The following ZNF214 variants were observed in gnomAD, a reference collection of about 807,000 sequenced individuals.
The protein encoded by ZNF214 is zinc finger protein 214, also known as BWSCR2-associated zinc finger protein 1.
Under a neutral mutation model 53.9 loss-of-function variants are expected in ZNF214, and 43 were observed. The observed-to-expected ratio is 0.80, with a 90% confidence interval of 0.63 to 1.03. The LOEUF (loss-of-function observed/expected upper bound fraction) is 1.03, where lower values mean the gene tolerates loss of function less well. Ranked by LOEUF, ZNF214 falls within the 50% of genes least tolerant of loss-of-function variation. The pLI is 0.00. For synonymous variants in ZNF214, 217 were observed against 229.5 expected, an observed-to-expected ratio of 0.95 and a Z score of 0.49; for missense variants, 724 against 719.1, an observed-to-expected ratio of 1.01 and a Z score of -0.08.
rs979177896 is a variant in ZNF214, at chr11:6,997,784, G to A, written c.*2078C>T. Among the ~76,000 whole-genome samples, 3 of 151,682 alleles carry A rather than the reference G, an allele frequency of 2.0e-5. No individual in the cohort carries two copies. Among genetic ancestry groups the A allele is most frequent in the African/African-American group, 7.3e-5 (3 of 41,342 alleles). On this transcript the variant is annotated 3_prime_UTR_variant, in exon 3 of 3. Transcript: ENST00000278314. ...TTAGTGTAAGTCCCATGCAATATTT[G>A]GGACACCCTTATACTAAAACAATTA... is the stretch of plus-strand genomic sequence containing the variant.
intron 1 of ZNF214, among the ~76,000 whole-genome samples, chr11:7,017,461 A>C (rs1247968188): frequency 6.6e-6 from 1 of 152,244 alleles, no homozygotes; most frequent in East Asian, 1.9e-4. Context: ...ATTGGGAAAT[A>C]CTTAAATTTT....
rs1851234526 is a variant in ZNF214, at chr11:6,998,354, A to G, written c.*1508T>C. Among the ~76,000 whole-genome samples the G allele has an allele frequency of 6.6e-6, 1 of 151,902 alleles. No homozygotes were observed. The highest frequency in any genetic ancestry group is 2.4e-5 in the African/African-American group (1 of 41,402). ...CTTTTAACTCAGAGAAAGTTTCTTAATGTCTTTGATCATTGATTCTATGCC... is the reference window on the plus strand; with the variant it reads ...CTTTTAACTCAGAGAAAGTTTCTTAGTGTCTTTGATCATTGATTCTATGCC... On this transcript the variant is annotated 3_prime_UTR_variant, in exon 3 of 3. Transcript: ENST00000278314.
At chr11:7,014,452 T>C (rs1402320374) in intron 1 of ZNF214, among the ~76,000 whole-genome samples, 2 of 152,288 alleles carry the variant, frequency 1.3e-5, no homozygotes, top group Admixed American at 6.5e-5. Flanking sequence ...CTGTAAAATT[T>C]AGCATTATGC....
chr11:7,008,515 G>C (rs574366629), intron 1 of ZNF214, among the ~76,000 whole-genome samples: 46 of 112,368 alleles, frequency 4.1e-4, no homozygotes, highest in Non-Finnish European at 8.4e-4. Flanking sequence ...TATTTACCTT[G>C]AGAACCAGAA....
In ZNF214 at chr11:7,000,778, G is replaced by T; in HGVS notation, c.905C>A (p.Pro302His). Residue 302 changes from proline to histidine, a missense_variant, in exon 3 of 3, where the codon CCT becomes CAT. By Grantham distance (77) the Pro-to-His change is moderately conservative. Transcript: ENST00000278314. ...FHQRVHIGEV[P>H]YSCNACGKSF... Reference sequence around the variant, plus strand: ...CTTACCACATGCATTACAGCTATAAGGTACCTCCCCTATGTGAACTCTCTG... The same window carrying T: ...CTTACCACATGCATTACAGCTATAATGTACCTCCCCTATGTGAACTCTCTG... 1 of 1,610,672 alleles carries T rather than the reference G, an allele frequency of 6.2e-7. No homozygotes were observed.
intron 1 of ZNF214, among the ~76,000 whole-genome samples, chr11:7,008,051 G>C (rs1343001590): frequency 2.7e-5 from 4 of 149,276 alleles, no homozygotes; most frequent in Non-Finnish European, 6.0e-5. Context: ...ATTCTTAATT[G>C]TTTTTTCTTC....
rs949580252 is a variant in ZNF214 at position 6,997,742 on chromosome 11, T to A, written c.*2120A>T. 6.6e-6 allele frequency among the ~76,000 whole-genome samples: 1 copy of A among 151,842 alleles called. No homozygotes were observed. Among genetic ancestry groups the A allele is most frequent in the African/African-American group, 2.4e-5 (1 of 41,394 alleles). ...CAGAAATGACCAGTTAAATTTGAAT[T>A]TCAAATGTATGAAATTTTAGTGTAA... On this transcript the variant is annotated 3_prime_UTR_variant, in exon 3 of 3. Transcript: ENST00000278314.
At chr11:7,018,459 T>G in intron 1 of ZNF214, among the ~76,000 whole-genome samples, 1 of 151,654 alleles carries the variant, frequency 6.6e-6, no homozygotes, top group African/African-American at 2.4e-5. Context: ...GAAATTATTA[T>G]TAATCTCATA....
chr11:7,017,795 A>C (rs1851809716), intron 1 of ZNF214, among the ~76,000 whole-genome samples: 1 of 152,032 alleles, frequency 6.6e-6, no homozygotes, highest in African/African-American at 2.4e-5. Flanking sequence ...ATGGAACACT[A>C]TACAGTCATT....
chr11:7,001,242 A>G lies in ZNF214; in HGVS notation c.441T>C (p.Thr147=). Residue 147 remains threonine, a synonymous_variant, in exon 3 of 3, where the codon ACT becomes ACC. Coordinates refer to ENST00000278314, the MANE Select transcript of ZNF214 (RefSeq NM_013249.4). The part of the protein sequence containing the change: ...MPWQSLETKT[T]QDYGREIYMS... ...TGTAGATTTCTCTACCATAGTCTTG[A>G]GTGGTTTTTGTTTCTAAGGACTGCC... The G allele has an allele frequency of 6.2e-7, 1 of 1,613,168 alleles. No individual in the cohort carries two copies. Among genetic ancestry groups the G allele is most frequent in the Non-Finnish European group, 8.5e-7 (1 of 1,179,492 alleles).
chr11:7,002,396 A>T (rs2133385240), intron 2 of ZNF214, among the ~76,000 whole-genome samples: 1 of 152,166 alleles, frequency 6.6e-6, no homozygotes, highest in South Asian at 2.1e-4. Context: ...ATACAACAAA[A>T]GCTAACTTAT....
chr11:7,003,453 T>C (rs1156868767), intron 1 of ZNF214, among the ~76,000 whole-genome samples: 1 of 152,018 alleles, frequency 6.6e-6, no homozygotes, highest in Non-Finnish European at 1.5e-5. Flanking sequence ...TCTTATTGAA[T>C]GTTTATTGTA....
chr11:7,009,485 C>T (rs539481351), intron 1 of ZNF214, among the ~76,000 whole-genome samples: 5 of 152,206 alleles, frequency 3.3e-5, no homozygotes, highest in South Asian at 4.1e-4. Flanking sequence ...GGAAGATAAC[C>T]TAGGGGATAC....
chr11:7,018,729 T>C (rs1252552934), intron 1 of ZNF214, among the ~76,000 whole-genome samples: 1 of 152,128 alleles, frequency 6.6e-6, no homozygotes, highest in Non-Finnish European at 1.5e-5. Context: ...CTCAAACTCC[T>C]GACCTCAAGT....
Position 7,001,098 on chromosome 11 carries a change from T to A in ZNF214, c.585A>T (p.Glu195Asp). Residue 195 changes from glutamate (E) to aspartate (D), a missense_variant, in exon 3 of 3, where the codon GAA becomes GAT. By Grantham distance (45) the Glu-to-Asp change is conservative. Transcript: ENST00000278314. ...IVQHSYIPVE[E>D]ALPQYVGVIC... ...TCACCCCAACATACTGTGGAAGGGC[T>A]TCCTCCACTGGGATATAAGAATGCT... is the stretch of plus-strand genomic sequence containing the variant. The A allele has an allele frequency of 6.2e-7, 1 of 1,613,344 alleles. No individual in the cohort carries two copies. The highest frequency in any genetic ancestry group is 8.5e-7 in the Non-Finnish European group (1 of 1,179,562).
intron 1 of ZNF214, among the ~76,000 whole-genome samples, chr11:7,015,337 G>C (rs1851736185): frequency 6.6e-6 from 1 of 152,108 alleles, no homozygotes; most frequent in Non-Finnish European, 1.5e-5. Flanking sequence ...CATCACTTTG[G>C]GAGGCCAAGG....
intron 1 of ZNF214, among the ~76,000 whole-genome samples, chr11:7,009,303 A>G (rs1184783178): frequency 1.3e-5 from 2 of 152,194 alleles, no homozygotes; most frequent in African/African-American, 2.4e-5. Context: ...TCTTCAACAA[A>G]GTTGACAAAA....
At chr11:7,007,446 TAA>T (rs567218260) in intron 1 of ZNF214, among the ~76,000 whole-genome samples, 108 of 151,206 alleles carry the variant, frequency 7.1e-4, no homozygotes, top group Admixed American at 2.2e-3. Flanking sequence ...AATACAAGGA[TAA>T]AAAAAGATTG....
At chr11:7,002,654 C>G in intron 2 of ZNF214, 55 bp downstream of exon 2, 2 of 1,492,290 alleles carry the variant, frequency 1.3e-6, no homozygotes, top group South Asian at 1.4e-5. Context: ...ACAAAATACT[C>G]AACAAAACTG....
Sources: allele counts gnomAD v4.1 joint callset (sites outside exome capture counted in the v4.1 genomes callset), GRCh38; gene constraint gnomAD v4.1.1; transcripts MANE v1.5; gene names NCBI Gene and HGNC (gene_info 2026-07-23, HGNC 2026-07-21).